NELL1: variants seen among roughly 807,000 people sequenced by gnomAD.
NELL1 encodes protein kinase C-binding protein NELL1.
In NELL1, 76 loss-of-function variants were observed where a neutral mutation model predicts 107.4. The ratio of observed to expected loss-of-function variants is 0.71; its 90% confidence interval spans 0.59 to 0.86. The LOEUF is 0.86. Among genes scored for constraint, NELL1 ranks in the 40% least tolerant of loss-of-function variants. NELL1 has a pLI of 0.00. For synonymous variants in NELL1, 353 were observed against 341.2 expected (o/e 1.03, Z -0.38); for missense variants, 1,024 against 1,005.5 (o/e 1.02, Z -0.25).
intron 3 of NELL1, among the ~76,000 whole-genome samples, chr11:20,812,120 TAA>T (rs1198267503): frequency 3.2e-4 from 49 of 152,338 alleles, no homozygotes; most frequent in Admixed American, 5.9e-4. Context: ...CTTCTATACC[TAA>T]TTTGTTGAGA....
At chr11:20,778,969 C>G (rs189941567) in intron 2 of NELL1, among the ~76,000 whole-genome samples, 2 of 152,028 alleles carry the variant, frequency 1.3e-5, no homozygotes, top group African/African-American at 4.8e-5. Flanking sequence ...TTCTCTCTCT[C>G]TCTGCTGCAT....
chr11:21,273,742 A>G lies in NELL1; in HGVS notation c.1549+44288A>G, dbSNP rs181594868. ...CTACAAGCCAGAGGAGAGTGGGGCC[A>G]ATATTCAACATTCTTAAAGAAAAGA... On this transcript the variant is annotated intron_variant, in intron 14 of 19. Transcript: ENST00000357134. 6.2e-4 allele frequency among the ~76,000 whole-genome samples: 95 copies of G among 152,348 alleles called. No individual in the cohort carries two copies. The East Asian group carries it at 0.011, about 17-fold the overall frequency.
At chr11:20,922,114 G>T (rs142408747) in intron 7 of NELL1, among the ~76,000 whole-genome samples, 37 of 152,054 alleles carry the variant, frequency 2.4e-4, no homozygotes, top group Non-Finnish European at 4.3e-4. Context: ...CTCATGTTAG[G>T]CCAAATCTTT....
intron 13 of NELL1, among the ~76,000 whole-genome samples, chr11:21,156,570 A>T (rs16907565): frequency 0.23 from 35,510 of 152,008 alleles, 4,977 homozygotes; most frequent in East Asian, 0.49. Context: ...GTCAGGGACC[A>T]GGGTACTGGA....
chr11:21,336,443 A>T (rs1265502014), intron 14 of NELL1, among the ~76,000 whole-genome samples: 4 of 151,926 alleles, frequency 2.6e-5, no homozygotes, highest in East Asian at 3.9e-4. Context: ...GTACTGTTCT[A>T]TTCAGAATCT....
chr11:21,147,224 G>A (rs1469885835), intron 13 of NELL1, among the ~76,000 whole-genome samples: 1 of 152,064 alleles, frequency 6.6e-6, no homozygotes, highest in Non-Finnish European at 1.5e-5. Flanking sequence ...AATTAATGGG[G>A]AAATGAGGAG....
chr11:21,540,074 A>G (rs1306970400), intron 16 of NELL1, among the ~76,000 whole-genome samples: 1 of 151,986 alleles, frequency 6.6e-6, no homozygotes, highest in Non-Finnish European at 1.5e-5. Context: ...ATTTTTGCAT[A>G]TTTATGGGGT....
chr11:21,208,674 G>A (rs1857438562), intron 13 of NELL1, among the ~76,000 whole-genome samples: 2 of 151,976 alleles, frequency 1.3e-5, no homozygotes, highest in Non-Finnish European at 2.9e-5. Flanking sequence ...TCTGTTACTG[G>A]GGCAGAGTTA....
At chr11:21,419,960 A>AT (rs950805442) in intron 15 of NELL1, among the ~76,000 whole-genome samples, 7 of 151,906 alleles carry the variant, frequency 4.6e-5, no homozygotes, top group African/African-American at 1.4e-4. Flanking sequence ...TTATAATCCT[A>AT]TTTTTTTATT....
At chr11:21,052,003 G>A (rs1163926237) in intron 12 of NELL1, among the ~76,000 whole-genome samples, 2 of 152,126 alleles carry the variant, frequency 1.3e-5, no homozygotes, top group African/African-American at 2.4e-5. Flanking sequence ...GACGGGAAAT[G>A]CTGGTAGTGG....
intron 12 of NELL1, among the ~76,000 whole-genome samples, chr11:21,091,525 T>G (rs1854520464): frequency 6.6e-6 from 1 of 152,216 alleles, no homozygotes; most frequent in South Asian, 2.1e-4. Flanking sequence ...GGGAAAATGA[T>G]CATTCTAGGG....
At chr11:21,563,617 G>A (rs1856901113) in intron 17 of NELL1, among the ~76,000 whole-genome samples, 1 of 152,000 alleles carries the variant, frequency 6.6e-6, no homozygotes, top group Admixed American at 6.6e-5. Flanking sequence ...ATGATTTAAA[G>A]TATATGGGAG....
chr11:21,135,644 GA>G (rs1855729133), intron 13 of NELL1, among the ~76,000 whole-genome samples: 1 of 151,952 alleles, frequency 6.6e-6, no homozygotes, highest in Non-Finnish European at 1.5e-5. Context: ...TAATATGAGG[GA>G]TATGTGAGCT....
In NELL1 at chr11:21,263,494, A is replaced by G. The variant is rs1036097564; in HGVS notation, c.1549+34040A>G. ...GCCATCTTTCAGCATTCTGATTGCC[A>G]TATACACTTTCACTGATTTCCCGGT... On this transcript the variant is annotated intron_variant, in intron 14 of 19. Coordinates refer to ENST00000357134, the MANE Select transcript of NELL1 (RefSeq NM_006157.5). 3.9e-5 allele frequency among the ~76,000 whole-genome samples: 6 copies of G among 152,014 alleles called. No homozygotes were observed. In the South Asian group the frequency reaches 8.3e-4, roughly 21 times the overall value.
chr11:21,109,413 TTTAGC>T (rs1272845334), intron 12 of NELL1, among the ~76,000 whole-genome samples: 1 of 152,124 alleles, frequency 6.6e-6, no homozygotes, highest in Non-Finnish European at 1.5e-5. Context: ...GATTCAAATT[TTTAGC>T]GTGAACATGG....
intron 2 of NELL1, among the ~76,000 whole-genome samples, chr11:20,746,959 T>C (rs1856017481): frequency 6.6e-6 from 1 of 152,194 alleles, no homozygotes; most frequent in Non-Finnish European, 1.5e-5. Flanking sequence ...TTTCATTTTC[T>C]TTGCCCTCGA....
chr11:20,754,462 C>A (rs999379851), intron 2 of NELL1, among the ~76,000 whole-genome samples: 1 of 152,174 alleles, frequency 6.6e-6, no homozygotes, highest in Non-Finnish European at 1.5e-5. Flanking sequence ...CAGCAACTTG[C>A]ACGAACACGT....
At chr11:21,346,077 G>C (rs1850677691) in intron 14 of NELL1, among the ~76,000 whole-genome samples, 1 of 152,092 alleles carries the variant, frequency 6.6e-6, no homozygotes, top group South Asian at 2.1e-4. Flanking sequence ...AGATCACCTT[G>C]GATTTTTTGG....
chr11:21,309,289 T>TA (rs1849689791), intron 14 of NELL1, among the ~76,000 whole-genome samples: 1 of 112,870 alleles, frequency 8.9e-6, no homozygotes, highest in African/African-American at 4.1e-5. Context: ...TGTATATATA[T>TA]ATATATATAT....
Sources: allele counts gnomAD v4.1 joint callset (sites outside exome capture counted in the v4.1 genomes callset), GRCh38; gene constraint gnomAD v4.1.1; transcripts MANE v1.5; gene names NCBI Gene and HGNC (gene_info 2026-07-23, HGNC 2026-07-21).